The following HACE1 variants were observed in gnomAD, a reference collection of about 807,000 sequenced individuals.
HACE1 encodes the protein HECT domain and ankyrin repeat containing E3 ubiquitin protein ligase 1.
A neutral mutation model predicts 118.4 loss-of-function variants in HACE1; 73 were observed. The ratio of observed to expected loss-of-function variants is 0.62; its 90% CI spans 0.51 to 0.75. The LOEUF (loss-of-function observed/expected upper bound fraction) is 0.75. HACE1 is among the 30% of genes least tolerant of loss of function. HACE1 has a pLI of 0.00. For missense variants in HACE1, 749 were observed against 1,102.2 expected (o/e 0.68, Z 4.54); for synonymous variants, 368 against 374.8 (o/e 0.98, Z 0.21).
intron 5 of HACE1, among the ~76,000 whole-genome samples, chr6:104,841,845 C>T (rs1383461309): frequency 1.3e-5 from 2 of 152,236 alleles, no homozygotes; most frequent in South Asian, 2.1e-4. Context: ...GTTATCTCTA[C>T]TTCTAAAATT....
At chr6:104,808,593 T>A (rs1771275440) in intron 7 of HACE1, among the ~76,000 whole-genome samples, 1 of 152,140 alleles carries the variant, frequency 6.6e-6, no homozygotes, top group Admixed American at 6.5e-5. Flanking sequence ...TTTCAGTAGT[T>A]GACCCTTGAA....
chr6:104,848,522 T>G (rs1562505789), intron 4 of HACE1, among the ~76,000 whole-genome samples: 1 of 151,996 alleles, frequency 6.6e-6, no homozygotes, highest in Non-Finnish European at 1.5e-5. Context: ...AAAATACTTA[T>G]TTTCATTTTA....
rs547658424 is a variant in HACE1, at chr6:104,836,768, T to C, written c.403-3595A>G. The stretch of plus-strand genomic sequence containing the variant: ...CGTGCAGACAACATGACTGTCTATG[T>C]AGAAAATCTCAAGCAATTTGCCCAA... On this transcript the variant is annotated intron_variant, in intron 5 of 23. Transcript: ENST00000262903. Among the ~76,000 whole-genome samples the C allele has an allele frequency of 2.1e-4, 32 of 152,286 alleles. No homozygotes were observed. In the South Asian group the frequency reaches 5.6e-3, roughly 27 times the overall value.
intron 6 of HACE1, among the ~76,000 whole-genome samples, chr6:104,828,311 A>C (rs1244944333): frequency 6.6e-6 from 1 of 152,096 alleles, no homozygotes; most frequent in Non-Finnish European, 1.5e-5. Flanking sequence ...CTTTTACAGA[A>C]TCACATCACA....
Position 104,817,778 on chromosome 6 carries a change from G to T in HACE1, c.535-6385C>A, listed in dbSNP as rs182627898. 1.4e-4 allele frequency among the ~76,000 whole-genome samples: 21 copies of T among 152,288 alleles called. No individual in the cohort carries two copies. The East Asian group carries it at 4.1e-3, about 29-fold the overall frequency. On this transcript the variant is annotated intron_variant, in intron 6 of 23. Transcript: ENST00000262903. ...ATCCTCAAAAAAGAACGTTATTACA[G>T]TTCACTACTTGACTGAGCAGTAAAC...
In HACE1 at chr6:104,815,173, A is replaced by G. The variant is rs1325649858; in HGVS notation, c.535-3780T>C. On this transcript the variant is annotated intron_variant, in intron 6 of 23. Transcript: ENST00000262903. Reference sequence around the variant, plus strand: ...AGACTTGTTGAATGGTTTTGATCAAACTGCTGATAGTGATATGGACAATGA... The same window carrying G: ...AGACTTGTTGAATGGTTTTGATCAAGCTGCTGATAGTGATATGGACAATGA... Among the ~76,000 whole-genome samples the G allele has an allele frequency of 2.9e-5, 4 of 137,238 alleles. 1 individual carries two copies. Among genetic ancestry groups the G allele is most frequent in the African/African-American group, 1.2e-4 (4 of 34,174 alleles). The allele number at this position is 137,238 out of a possible 152,430, so 90.0% of individuals were successfully genotyped here.
chr6:104,778,159 G>C (rs1193659190), intron 14 of HACE1, among the ~76,000 whole-genome samples: 2 of 152,088 alleles, frequency 1.3e-5, no homozygotes, highest in Non-Finnish European at 2.9e-5. Context: ...AAAAATTGAA[G>C]AATAAGATCT....
chr6:104,801,368 G>A (rs145770122), intron 7 of HACE1, among the ~76,000 whole-genome samples: 152 of 152,124 alleles, frequency 1.0e-3, no homozygotes, highest in African/African-American at 3.5e-3. Context: ...TACAGAGAAC[G>A]CCACAAAGAT....
chr6:104,797,218 T>C (rs552637114), intron 7 of HACE1, among the ~76,000 whole-genome samples, 193 bp from the exon 8 acceptor site: 5 of 152,262 alleles, frequency 3.3e-5, no homozygotes, highest in African/African-American at 1.2e-4. Flanking sequence ...GACCAGAATG[T>C]GACCTATTAA....
At chr6:104,828,736 G>A (rs1302996725) in intron 6 of HACE1, among the ~76,000 whole-genome samples, 3 of 152,112 alleles carry the variant, frequency 2.0e-5, no homozygotes, top group African/African-American at 7.2e-5. Flanking sequence ...TGCAACAGCT[G>A]CATCTATATG....
At chr6:104,825,704 C>G (rs1428516776) in intron 6 of HACE1, among the ~76,000 whole-genome samples, 1 of 152,174 alleles carries the variant, frequency 6.6e-6, no homozygotes, top group Admixed American at 6.5e-5. Flanking sequence ...GGTATTTAGA[C>G]CCCAGAAGAT....
chr6:104,738,906 G>A (rs1441278598), intron 22 of HACE1, among the ~76,000 whole-genome samples: 1 of 151,016 alleles, frequency 6.6e-6, no homozygotes, highest in East Asian at 1.9e-4. Context: ...AAATGTTAAG[G>A]GCAGCCAGAG....
rs1231557307 is a variant in HACE1, at chr6:104,859,640, C to CATCCTCGGCGCGCCCTCCGCG, written c.-19_2dup (p.Ala1_?0). 1.1e-4 allele frequency: 175 copies of CATCCTCGGCGCGCCCTCCGCG among 1,532,604 alleles called. No homozygotes were observed. Among genetic ancestry groups the CATCCTCGGCGCGCCCTCCGCG allele is most frequent in the Non-Finnish European group, 1.5e-4 (166 of 1,143,106 alleles). The allele number at this position is 1,532,604 out of a possible 1,614,324, so 94.9% of individuals were successfully genotyped here. On this transcript the variant is annotated start_lost and start_retained_variant, in exon 1 of 24. Coordinates refer to ENST00000262903, the MANE Select transcript of HACE1 (RefSeq NM_020771.4). Reference sequence around the variant, plus strand: ...GGTTGAGTTGCTCCATCGCTCTCTCCATCCTCGGCGCGCCCTCCGCGATCC... The same window carrying CATCCTCGGCGCGCCCTCCGCG: ...GGTTGAGTTGCTCCATCGCTCTCTCCATCCTCGGCGCGCCCTCCGCGATCCTCGGCGCGCCCTCCGCGATCC...
In HACE1 at chr6:104,767,901, T is replaced by TC. The variant is rs542082306; in HGVS notation, c.2211+3291dup. On this transcript the variant is annotated intron_variant, in intron 19 of 23. Coordinates refer to ENST00000262903, the MANE Select transcript of HACE1 (RefSeq NM_020771.4). The stretch of plus-strand genomic sequence containing the variant: ...TACCTGCCCCATCTTACTCTTATCT[T>TC]CTTTTTTTTCTCCAAGCCTGGATGA... Among the ~76,000 whole-genome samples the TC allele has an allele frequency of 7.2e-4, 109 of 152,286 alleles. 2 individuals are homozygous for TC. In the South Asian group the frequency reaches 0.023, roughly 32 times the overall value.
Position 104,852,316 on chromosome 6 carries a change from C to A in HACE1, c.131+1G>T. The A allele has an allele frequency of 1.2e-6, 2 of 1,608,572 alleles. No individual in the cohort carries two copies. The highest frequency in any genetic ancestry group is 1.7e-6 in the Non-Finnish European group (2 of 1,175,174). On this transcript the variant is annotated splice_donor_variant, in intron 2 of 23. Transcript: ENST00000262903. LOFTEE classifies it high-confidence loss of function. Reference sequence around the variant, plus strand: ...CAAAAATTTTTGGAACAAGCACTCACCTGTGTTGATCAGCCATAACCATTG... The same window carrying A: ...CAAAAATTTTTGGAACAAGCACTCAACTGTGTTGATCAGCCATAACCATTG...
At chr6:104,771,431 C>A in intron 18 of HACE1, 42 bp from the exon 19 acceptor site, 1 of 1,279,458 alleles carries the variant, frequency 7.8e-7, no homozygotes. Context: ...CTGGTTTTGC[C>A]TTCCCTTATC....
chr6:104,784,259 C>A, intron 13 of HACE1, 86 bp from the exon 14 acceptor site: 1 of 897,368 alleles, frequency 1.1e-6, no homozygotes, highest in Non-Finnish European at 1.9e-6. Context: ...GACACTGAAA[C>A]AGAAGAAAAA....
chr6:104,766,478 T>C (rs1780028158), intron 19 of HACE1, among the ~76,000 whole-genome samples: 1 of 152,184 alleles, frequency 6.6e-6, no homozygotes, highest in African/African-American at 2.4e-5. Context: ...AAGATGCATA[T>C]AAAGAATCCA....
chr6:104,808,262 G>T (rs961140845), intron 7 of HACE1, among the ~76,000 whole-genome samples: 1 of 151,964 alleles, frequency 6.6e-6, no homozygotes, highest in Admixed American at 6.6e-5. Context: ...TAAATTAAAT[G>T]AGGACAACAC....
Sources: allele counts gnomAD v4.1 joint callset (sites outside exome capture counted in the v4.1 genomes callset), GRCh38; gene constraint gnomAD v4.1.1; transcripts MANE v1.5; gene names NCBI Gene and HGNC (gene_info 2026-07-23, HGNC 2026-07-21).